Variants in SAP130 observed in about 807,000 individuals in gnomAD.
The protein encoded by SAP130 is Sin3A associated protein 130, also known as histone deacetylase complex subunit SAP130.
Under a neutral mutation model 103.2 loss-of-function variants are expected in SAP130, and 16 were observed. The observed-to-expected ratio is 0.16, with a 90% CI of 0.10 to 0.24. The LOEUF (loss-of-function observed/expected upper bound fraction) is 0.24. Among genes scored for constraint, SAP130 ranks in the 10% least tolerant of loss-of-function variants. SAP130 has a pLI of 1.00. For missense variants in SAP130, 990 were observed against 1,359.7 expected, an observed-to-expected ratio of 0.73 and a Z score of 4.28; for synonymous variants, 477 against 497.0, an observed-to-expected ratio of 0.96 and a Z score of 0.53.
intron 7 of SAP130, among the ~76,000 whole-genome samples, chr2:128,008,665 C>T (rs1406033073): frequency 2.0e-5 from 3 of 151,168 alleles, no homozygotes; most frequent in African/African-American, 7.3e-5. Context: ...GCCACTGCAC[C>T]TAGCCTAAAT....
intron 7 of SAP130, among the ~76,000 whole-genome samples, chr2:128,001,254 G>A (rs1481903346): frequency 1.3e-5 from 2 of 152,154 alleles, no homozygotes; most frequent in Non-Finnish European, 2.9e-5. Flanking sequence ...CAAATCAGAG[G>A]GGAGGCCACA....
chr2:127,974,845 T>C (rs1461826501), intron 15 of SAP130, among the ~76,000 whole-genome samples: 2 of 152,142 alleles, frequency 1.3e-5, no homozygotes, highest in Non-Finnish European at 2.9e-5. Flanking sequence ...TTTCTATGTT[T>C]AGATACACAA....
chr2:127,995,848 G>C (rs180978812), intron 11 of SAP130, among the ~76,000 whole-genome samples: 3 of 152,232 alleles, frequency 2.0e-5, no homozygotes, highest in African/African-American at 7.2e-5. Flanking sequence ...CTGATGCAAT[G>C]GGAAGAACAC....
At chr2:128,011,112 T>C (rs1377617686) in intron 6 of SAP130, among the ~76,000 whole-genome samples, 1 of 152,066 alleles carries the variant, frequency 6.6e-6, no homozygotes, top group African/African-American at 2.4e-5. Context: ...GTAGACATTT[T>C]ACGCTGCCAT....
chr2:127,980,912 C>CAACAACAACA (rs1321083444), intron 14 of SAP130, among the ~76,000 whole-genome samples: 2 of 151,756 alleles, frequency 1.3e-5, no homozygotes, highest in Non-Finnish European at 2.9e-5. Flanking sequence ...ACAACAACAA[C>CAACAACAACA]AAATTCATAG....
intron 15 of SAP130, among the ~76,000 whole-genome samples, chr2:127,968,398 A>C (rs1001037806): frequency 1.4e-5 from 2 of 146,570 alleles, no homozygotes; most frequent in Non-Finnish European, 3.0e-5. Flanking sequence ...GACGTGAGCC[A>C]CCATGCCCGG....
chr2:128,017,598 C>A, intron 3 of SAP130, 82 bp downstream of exon 3: 1 of 1,217,494 alleles, frequency 8.2e-7, no homozygotes, highest in Non-Finnish European at 1.2e-6. Context: ...TAAGATACAG[C>A]CTAAGATTTT....
chr2:127,942,866 C>A lies in SAP130; in HGVS notation c.2902-329G>T, dbSNP rs1387156764. 6.6e-6 allele frequency among the ~76,000 whole-genome samples: 1 copy of A among 152,034 alleles called. No homozygotes were observed. Among genetic ancestry groups the A allele is most frequent in the Non-Finnish European group, 1.5e-5 (1 of 68,006 alleles). ...AGCTGGGCGTGGTGGCGCATGCCTG[C>A]AATCCCAGTTACTCGGGAGGCTGAG... is the stretch of plus-strand genomic sequence containing the variant. On this transcript the variant is annotated intron_variant, in intron 19 of 20. Transcript: ENST00000643581. The surrounding 1 kb of genome is among the most constrained non-coding windows in gnomAD (Gnocchi z 4.8).
At chr2:128,022,317 A>G (rs1685213600) in intron 2 of SAP130, among the ~76,000 whole-genome samples, 1 of 152,206 alleles carries the variant, frequency 6.6e-6, no homozygotes, top group Non-Finnish European at 1.5e-5. Context: ...GTAGCATTCC[A>G]CTGCACGGAT....
chr2:127,963,827 T>A (rs988290011), intron 15 of SAP130, among the ~76,000 whole-genome samples: 1 of 152,228 alleles, frequency 6.6e-6, no homozygotes, highest in Non-Finnish European at 1.5e-5. Context: ...TTGCTCCTCC[T>A]TGCCTTCTGC....
chr2:127,983,820 GTTGTTTTTTTTTTT>G (rs912729959), intron 14 of SAP130, among the ~76,000 whole-genome samples: 10 of 112,368 alleles, frequency 8.9e-5, no homozygotes, highest in East Asian at 5.2e-4. Flanking sequence ...CTATTACTTT[GTTGTTTTTTTTTTT>G]TTTTTTTTTT....
chr2:127,985,894 A>G (rs112327906), intron 14 of SAP130, among the ~76,000 whole-genome samples: 2,088 of 152,066 alleles, frequency 0.014, 16 homozygotes, highest in African/African-American at 0.019. Flanking sequence ...GCGAGAGGAC[A>G]GCAAGGGGAG....
At chr2:127,969,190 C>T (rs1680894742) in intron 15 of SAP130, among the ~76,000 whole-genome samples, 1 of 152,096 alleles carries the variant, frequency 6.6e-6, no homozygotes, top group Non-Finnish European at 1.5e-5. Context: ...AGACATGAAA[C>T]AGCACACCAT....
At chr2:127,950,458 G>A (rs1234282858) in intron 16 of SAP130, 50 bp from the exon 17 acceptor site, 3 of 1,602,440 alleles carry the variant, frequency 1.9e-6, no homozygotes, top group Non-Finnish European at 2.6e-6. Context: ...AAAGATAACA[G>A]AAAGTTTCAC....
At chr2:128,025,487 G>A (rs940281617) in intron 2 of SAP130, among the ~76,000 whole-genome samples, 1 of 152,116 alleles carries the variant, frequency 6.6e-6, no homozygotes, top group South Asian at 2.1e-4. Flanking sequence ...TCCCTGATGT[G>A]AATTCAACCA....
chr2:128,007,728 T>A, intron 7 of SAP130, among the ~76,000 whole-genome samples: 1 of 152,320 alleles, frequency 6.6e-6, no homozygotes. Context: ...TTAAGATAAG[T>A]TCCAGGTATT....
At chr2:128,027,286 C>T in intron 1 of SAP130, 4 of 1,165,044 alleles carry the variant, frequency 3.4e-6, no homozygotes, top group Non-Finnish European at 4.2e-6. Flanking sequence ...GCTGTGCTCG[C>T]AGTCCTCTTC....
intron 15 of SAP130, among the ~76,000 whole-genome samples, chr2:127,958,648 G>GAA (rs1208595867): frequency 2.5e-5 from 1 of 40,254 alleles, no homozygotes; most frequent in African/African-American, 5.7e-5. Context: ...GAGAGAGAGA[G>GAA]AGAGAGAGAG....
intron 15 of SAP130, among the ~76,000 whole-genome samples, chr2:127,959,833 C>A (rs1040352990): frequency 2.0e-5 from 3 of 151,898 alleles, no homozygotes; most frequent in Non-Finnish European, 2.9e-5. Context: ...TAAAAAAAAA[C>A]CCCAAAGTTA....
Sources: allele counts gnomAD v4.1 joint callset (sites outside exome capture counted in the v4.1 genomes callset), GRCh38; gene constraint gnomAD v4.1.1; non-coding constraint Gnocchi (gnomAD v3.1); transcripts MANE v1.5; gene names NCBI Gene and HGNC (gene_info 2026-07-23, HGNC 2026-07-21).